The following GSTM5 variants were observed in gnomAD, a reference collection of about 807,000 sequenced individuals.
GSTM5 encodes glutathione S-transferase mu 5.
A neutral mutation model predicts 29.0 loss-of-function variants in GSTM5; 24 were observed. That is an observed-to-expected ratio of 0.83 (90% CI 0.60 to 1.16). The LOEUF (loss-of-function observed/expected upper bound fraction) is 1.16. Among genes scored for constraint, GSTM5 ranks in the 50% most tolerant of loss-of-function variants. The pLI is 0.00. For synonymous variants in GSTM5, 91 were observed against 93.6 expected (o/e 0.97, Z 0.16); for missense variants, 290 against 263.0 (o/e 1.10, Z -0.71).
At position 109,715,233 on chromosome 1, in the gene GSTM5, G is replaced by A. The variant is rs137869431; in HGVS notation, c.560G>A (p.Arg187His). ...AFLNLKDFIS[R>H]FEGLKKISAY... ...CTAAACTTGAAGGACTTCATCTCCC[G>A]CTTTGAGGTGATGCCCCCATCCTCC... The change falls in exon 7 of 8, where the codon CGC becomes CAC. Residue 187 changes from arginine (R) to histidine (H), a missense_variant. Transcript: ENST00000256593. 9.5e-5 allele frequency: 154 copies of A among 1,614,162 alleles called. No homozygotes were observed. In the African/African-American group the frequency reaches 1.6e-3, roughly 17 times the overall value.
chr1:109,717,405 A>T lies in GSTM5; in HGVS notation c.636A>T (p.Ser212=). The T allele has an allele frequency of 6.2e-7, 1 of 1,613,698 alleles. No homozygotes were observed. The highest frequency in any genetic ancestry group is 1.1e-5 in the South Asian group (1 of 91,074). Residue 212 remains serine, a synonymous_variant, in exon 8 of 8, where the codon TCA becomes TCT. Coordinates refer to ENST00000256593, the MANE Select transcript of GSTM5 (RefSeq NM_000851.4). ...QFLRGLLFGK[S]ATWNSK ...TCCGAGGTCTTTTGTTTGGAAAGTC[A>T]GCTACATGGAACAGCAAATAGGGCC...
intron 7 of GSTM5, chr1:109,716,888 AGAG>A (rs1405010644): frequency 6.4e-6 from 1 of 155,218 alleles, no homozygotes; most frequent in Non-Finnish European, 1.4e-5. Context: ...GCTGGGTGGA[AGAG>A]GAGGAGAATT....
At chr1:109,716,168 A>C (rs557132008) in intron 7 of GSTM5, 6 of 256,248 alleles carry the variant, frequency 2.3e-5, no homozygotes, top group Non-Finnish European at 4.6e-5. Context: ...CCTGTGTTGA[A>C]GTTGTTTGAG....
intron 1 of GSTM5, 33 bp from the exon 2 acceptor site, chr1:109,712,585 T>A (rs753244635): frequency 6.2e-7 from 1 of 1,612,048 alleles, no homozygotes; most frequent in South Asian, 1.1e-5. Flanking sequence ...GGACCCTCCA[T>A]CTCTGACCCG....
chr1:109,712,489 T>TTTTG, intron 1 of GSTM5, 129 bp from the exon 2 acceptor site: 1 of 713,016 alleles, frequency 1.4e-6, no homozygotes, highest in African/African-American at 2.7e-5. Flanking sequence ...TGTGTGTGTT[T>TTTTG]GGGGGTGGGG....
At chr1:109,712,453 C>T in intron 1 of GSTM5, 105 bp downstream of exon 1, 1 of 1,314,138 alleles carries the variant, frequency 7.6e-7, no homozygotes, top group Non-Finnish European at 1.1e-6. Flanking sequence ...GGCTGCCCGC[C>T]TCAGAAGGGC....
Position 109,717,417 on chromosome 1 carries a change from C to G in GSTM5, c.648C>G (p.Asn216Lys). 6.2e-7 allele frequency: 1 copy of G among 1,612,754 alleles called. No individual in the cohort carries two copies. The highest frequency in any genetic ancestry group is 8.5e-7 in the Non-Finnish European group (1 of 1,178,768). The change falls in exon 8 of 8, where the codon AAC becomes AAG. Residue 216 changes from asparagine (N) to lysine (K), a missense_variant. By Grantham distance (94) the Asn-to-Lys change is moderately conservative (BLOSUM62 0). Coordinates refer to ENST00000256593, the MANE Select transcript of GSTM5 (RefSeq NM_000851.4). ...GLLFGKSATW[N>K]SK The stretch of plus-strand genomic sequence containing the variant: ...TGTTTGGAAAGTCAGCTACATGGAA[C>G]AGCAAATAGGGCCCAGTGATGCCAG...
intron 1 of GSTM5, 115 bp downstream of exon 1, chr1:109,712,463 C>T: frequency 1.6e-6 from 2 of 1,231,262 alleles, no homozygotes; most frequent in South Asian, 1.2e-5. Context: ...CTCAGAAGGG[C>T]CTGTGCATGA....
At chr1:109,715,716 T>G in intron 7 of GSTM5, 3 of 449,892 alleles carry the variant, frequency 6.7e-6, no homozygotes, top group Non-Finnish European at 1.2e-5. Flanking sequence ...TGTTGAGTAC[T>G]AAACCTGCAG....
rs1231872591 is a variant in GSTM5 at position 109,713,690 on chromosome 1, G to A, written c.289G>A (p.Val97Met). The change falls in exon 5 of 8, where the codon GTG (valine) becomes ATG (methionine). Residue 97 changes from valine (V) to methionine (M), a missense_variant. Transcript: ENST00000256593. Reference sequence around the variant, plus strand: ...GGAGACAGAAGAGGAGAAGATTCGTGTGGACATTTTGGAGAACCAGGTTAT... The same window carrying A: ...GGAGACAGAAGAGGAGAAGATTCGTATGGACATTTTGGAGAACCAGGTTAT... ...CGETEEEKIR[V>M]DILENQVMDN... The A allele has an allele frequency of 6.2e-7, 1 of 1,614,042 alleles. No homozygotes were observed. Among genetic ancestry groups the A allele is most frequent in the Middle Eastern group, 1.6e-4 (1 of 6,062 alleles).
Position 109,717,324 on chromosome 1 carries a change from T to C in GSTM5, c.568-13T>C. 6.2e-7 allele frequency: 1 copy of C among 1,609,960 alleles called. No homozygotes were observed. The highest frequency in any genetic ancestry group is 1.3e-5 in the African/African-American group (1 of 74,934). ...CAGCAGACCTGGCTCTGGCCCCTTC[T>C]TCCCGCCCTCAGGGTTTGAAGAAGA... On this transcript the variant is annotated splice_polypyrimidine_tract_variant and intron_variant, in intron 7 of 7. Transcript: ENST00000256593.
intron 7 of GSTM5, chr1:109,717,067 C>T: frequency 3.4e-6 from 1 of 292,720 alleles, no homozygotes; most frequent in Non-Finnish European, 6.5e-6. Context: ...TTTTCTAAGC[C>T]TGTGTTGTAA....
Position 109,713,525 on chromosome 1 carries a change from C to T in GSTM5, c.219C>T (p.Ser73=). 4 of 1,614,232 alleles carry T rather than the reference C, an allele frequency of 2.5e-6. No homozygotes were observed. The highest frequency in any genetic ancestry group is 1.6e-4 in the Middle Eastern group (1 of 6,062). ...LIDGAHKITQ[S]NAILRYIARK... The stretch of plus-strand genomic sequence containing the variant: ...ATGGGGCTCACAAGATCACCCAGAG[C>T]AATGCCATCCTGCGCTACATTGCCC... The change falls in exon 4 of 8, where the codon AGC becomes AGT. Residue 73 remains serine (S), a synonymous_variant. Coordinates refer to ENST00000256593, the MANE Select transcript of GSTM5 (RefSeq NM_000851.4).
At chr1:109,713,436 G>T in intron 3 of GSTM5, 48 bp from the exon 4 acceptor site, 1 of 1,613,018 alleles carries the variant, frequency 6.2e-7, no homozygotes, top group Non-Finnish European at 8.5e-7. Context: ...GGGGATGCTG[G>T]GGAGCCTGGT....
At position 109,712,297 on chromosome 1, in the gene GSTM5, C is replaced by A; in HGVS notation, c.-16C>A. 2 of 1,614,056 alleles carry A rather than the reference C, an allele frequency of 1.2e-6. No individual in the cohort carries two copies. The highest frequency in any genetic ancestry group is 1.1e-5 in the South Asian group (1 of 91,088). On this transcript the variant is annotated 5_prime_UTR_variant, in exon 1 of 8. Coordinates refer to ENST00000256593, the MANE Select transcript of GSTM5 (RefSeq NM_000851.4). ...TCCGCTGATGCCTGTCTGCAGAATC[C>A]GCACCAACCAGCACCATGCCCATGA...
chr1:109,716,394 G>T (rs3768490), intron 7 of GSTM5: 46,762 of 157,092 alleles, frequency 0.3, 8,494 homozygotes, highest in East Asian at 0.7. Context: ...GAGGGCTGGG[G>T]CATGGAGCCT....
At position 109,714,941 on chromosome 1, in the gene GSTM5, C is replaced by T. The variant is rs776943471; in HGVS notation, c.361-6C>T. 3.6e-5 allele frequency: 58 copies of T among 1,614,068 alleles called. No individual in the cohort carries two copies. The highest frequency in any genetic ancestry group is 4.7e-5 in the Non-Finnish European group (56 of 1,180,002). ...TGAGGGTGGTGACAGCTGTTTTCTG[C>T]CTCAGGAGAAACTGAAGCCAAAATA... On this transcript the variant is annotated splice_polypyrimidine_tract_variant and splice_region_variant and intron_variant, in intron 5 of 7. Transcript: ENST00000256593.
Position 109,717,730 on chromosome 1 carries a change from T to C in GSTM5, c.*304T>C, listed in dbSNP as rs563275164. On this transcript the variant is annotated 3_prime_UTR_variant, in exon 8 of 8. Coordinates refer to ENST00000256593, the MANE Select transcript of GSTM5 (RefSeq NM_000851.4). ...TTTTCTCTTCTTTGAGAAGCCAGAC[T>C]GATCTCTGAGCTCCCTAGCACTGTC... The C allele has an allele frequency of 5.6e-6, 2 of 356,760 alleles. No homozygotes were observed. The highest frequency in any genetic ancestry group is 1.1e-5 in the Non-Finnish European group (2 of 185,252). The allele number at this position is 356,760 out of a possible 1,614,324, so 22.1% of individuals were successfully genotyped here. A position where few individuals can be genotyped will look rare whatever the true frequency, so the allele number is the denominator to read the frequency against.
intron 2 of GSTM5, 117 bp downstream of exon 2, chr1:109,712,810 C>T: frequency 8.2e-7 from 1 of 1,217,036 alleles, no homozygotes; most frequent in Non-Finnish European, 1.2e-6. Flanking sequence ...TGCAGGCTGT[C>T]CCTTCCCTGA....
Sources: allele counts gnomAD v4.1 joint callset, GRCh38; gene constraint gnomAD v4.1.1; transcripts MANE v1.5; gene names NCBI Gene and HGNC (gene_info 2026-07-23, HGNC 2026-07-21).